The following SNX29 variants were observed in gnomAD, a reference collection of about 807,000 sequenced individuals.
SNX29 encodes the protein sorting nexin-29.
SNX29 carries 78 observed loss-of-function variants against 102.1 expected under a neutral mutation model. The ratio of observed to expected loss-of-function variants is 0.76; its 90% confidence interval spans 0.64 to 0.92. The LOEUF (loss-of-function observed/expected upper bound fraction) is 0.92. Among genes scored for constraint, SNX29 ranks in the 40% least tolerant of loss-of-function variants. The pLI is 0.00. For synonymous variants in SNX29, 580 were observed against 414.5 expected, an observed-to-expected ratio of 1.40 and a Z score of -4.85; for missense variants, 1,280 against 1,061.7, an observed-to-expected ratio of 1.21 and a Z score of -2.86.
chr16:12,553,451 T>C (rs2078117992), intron 20 of SNX29, among the ~76,000 whole-genome samples: 1 of 152,116 alleles, frequency 6.6e-6, no homozygotes, highest in South Asian at 2.1e-4. Flanking sequence ...GAGCATGGTG[T>C]AGACCAGCTC....
rs140110219 is a variant in SNX29, at chr16:12,398,092, A to G, written c.1900-354A>G. Reference sequence around the variant, plus strand: ...GTGTGTGATGTTCATCATGGTAACAATGGATATTTTTTCCATTGCACATCT... The same window carrying G: ...GTGTGTGATGTTCATCATGGTAACAGTGGATATTTTTTCCATTGCACATCT... On this transcript the variant is annotated intron_variant, in intron 16 of 20. Transcript: ENST00000566228. Among the ~76,000 whole-genome samples the G allele has an allele frequency of 5.2e-3, 794 of 152,258 alleles. 11 individuals are homozygous for G. Among genetic ancestry groups the G allele is most frequent in the African/African-American group, 0.018 (753 of 41,520 alleles).
rs1197086382 is a variant in SNX29, at chr16:12,346,312, T to TA, written c.1783-9849dup. ...CTTCTGCTGGTGCCTCTTTAATGGA[T>TA]AATCATGGTAATTAACATTTATGGA... On this transcript the variant is annotated intron_variant, in intron 15 of 20. Transcript: ENST00000566228. Among the ~76,000 whole-genome samples, 3 of 152,168 alleles carry TA rather than the reference T, an allele frequency of 2.0e-5. No homozygotes were observed. The East Asian group carries it at 5.8e-4, about 29-fold the overall frequency.
At chr16:12,188,576 G>T (rs138436189) in intron 13 of SNX29, among the ~76,000 whole-genome samples, 202 of 152,310 alleles carry the variant, frequency 1.3e-3, no homozygotes, top group African/African-American at 4.5e-3. Context: ...ACCTTCTTGA[G>T]TGACGAGTTG....
intron 11 of SNX29, among the ~76,000 whole-genome samples, chr16:12,118,429 C>G (rs2053831337): frequency 6.7e-6 from 1 of 148,254 alleles, no homozygotes; most frequent in Non-Finnish European, 1.5e-5. Context: ...CAAGTCATCC[C>G]CTGCCTCAGC....
intron 19 of SNX29, among the ~76,000 whole-genome samples, chr16:12,503,139 C>T (rs1057486348): frequency 6.6e-6 from 1 of 151,970 alleles, no homozygotes. Context: ...CAACTGCACA[C>T]CCCCCTGCCC....
At chr16:12,100,056 G>C (rs567753594) in intron 11 of SNX29, among the ~76,000 whole-genome samples, 1 of 152,212 alleles carries the variant, frequency 6.6e-6, no homozygotes, top group African/African-American at 2.4e-5. Flanking sequence ...CTCAGCGATG[G>C]AGGAACTTGT....
chr16:12,023,231 T>C (rs1046423929), intron 3 of SNX29, among the ~76,000 whole-genome samples: 1 of 151,868 alleles, frequency 6.6e-6, no homozygotes, highest in African/African-American at 2.4e-5. Flanking sequence ...AAATATTCAC[T>C]GTTGTTAAGT....
intron 18 of SNX29, among the ~76,000 whole-genome samples, chr16:12,462,605 C>A (rs537931292): frequency 2.8e-4 from 42 of 152,124 alleles, no homozygotes; most frequent in Middle Eastern, 3.4e-3. Context: ...CACACACACA[C>A]ACACACGTGA....
intron 18 of SNX29, among the ~76,000 whole-genome samples, chr16:12,417,638 T>G (rs2084695191): frequency 6.6e-6 from 1 of 152,034 alleles, no homozygotes; most frequent in African/African-American, 2.4e-5. Flanking sequence ...TGTCATTCCT[T>G]TTCCCTGTCA....
In SNX29 at chr16:12,556,858, A is replaced by AT. The variant is rs923109471; in HGVS notation, c.2319-11636dup. Among the ~76,000 whole-genome samples the AT allele has an allele frequency of 4.7e-3, 694 of 148,820 alleles. 3 individuals carry two copies. Among genetic ancestry groups the AT allele is most frequent in the Admixed American group, 5.2e-3 (78 of 14,890 alleles). ...GAAGTTTGATGGTGGAAAAAATTGA[A>AT]TTTTTTTTTTTTGAGATAGGGTCTC... On this transcript the variant is annotated intron_variant, in intron 20 of 20. Coordinates refer to ENST00000566228, the MANE Select transcript of SNX29 (RefSeq NM_032167.5).
Position 12,457,298 on chromosome 16 carries a change from G to A in SNX29, c.2038-20421G>A, listed in dbSNP as rs189725427. 6.9e-4 allele frequency among the ~76,000 whole-genome samples: 105 copies of A among 152,290 alleles called. 1 individual carries two copies. The highest frequency in any genetic ancestry group is 2.5e-3 in the African/African-American group (102 of 41,556). ...TAAAACTGATGCTCAGAAAGGTAAG[G>A]TAGGTTGGCCAGGGTTGTCCAGCTG... On this transcript the variant is annotated intron_variant, in intron 18 of 20. Coordinates refer to ENST00000566228, the MANE Select transcript of SNX29 (RefSeq NM_032167.5).
chr16:12,402,031 G>A (rs1238396401), intron 17 of SNX29, among the ~76,000 whole-genome samples: 3 of 152,200 alleles, frequency 2.0e-5, no homozygotes, highest in African/African-American at 7.2e-5. Context: ...CTTGTAGCCT[G>A]ACACAGAAAT....
chr16:12,195,883 G>T (rs550931633), intron 13 of SNX29, among the ~76,000 whole-genome samples: 3 of 152,102 alleles, frequency 2.0e-5, no homozygotes, highest in Non-Finnish European at 4.4e-5. Context: ...GAGAGGAGAG[G>T]GACATAGGCA....
intron 15 of SNX29, among the ~76,000 whole-genome samples, chr16:12,342,974 T>C (rs1001515913): frequency 9.2e-5 from 14 of 152,250 alleles, no homozygotes; most frequent in Non-Finnish European, 1.6e-4. Context: ...ACGGGAGTGC[T>C]GTTGGGTGTG....
chr16:12,288,808 C>T (rs1409020117), intron 15 of SNX29, among the ~76,000 whole-genome samples: 1 of 152,022 alleles, frequency 6.6e-6, no homozygotes, highest in Non-Finnish European at 1.5e-5. Flanking sequence ...TGCATACCTA[C>T]AGATGATGAA....
chr16:12,397,808 C>T lies in SNX29; in HGVS notation c.1900-638C>T, dbSNP rs529670308. 7.9e-5 allele frequency among the ~76,000 whole-genome samples: 12 copies of T among 152,282 alleles called. No individual in the cohort carries two copies. In the East Asian group the frequency reaches 2.1e-3, roughly 27 times the overall value. On this transcript the variant is annotated intron_variant, in intron 16 of 20. Transcript: ENST00000566228. ...AGGATAGGTAGCTTACTGGGGGTCACGTGCACCTTTGAATGCTTGCTTGCC... is the reference window on the plus strand; with the variant it reads ...AGGATAGGTAGCTTACTGGGGGTCATGTGCACCTTTGAATGCTTGCTTGCC...
At chr16:12,373,207 G>A (rs1345156124) in intron 16 of SNX29, among the ~76,000 whole-genome samples, 3 of 152,234 alleles carry the variant, frequency 2.0e-5, no homozygotes, top group East Asian at 1.9e-4. Context: ...GTCATAGCTC[G>A]CTGCAGCCTC....
chr16:12,010,065 A>G (rs571788420), intron 3 of SNX29, among the ~76,000 whole-genome samples: 4 of 152,324 alleles, frequency 2.6e-5, no homozygotes. Context: ...TCTTTCTTGC[A>G]CCTCAATATC....
intron 18 of SNX29, among the ~76,000 whole-genome samples, chr16:12,428,070 A>G (rs543900171): frequency 6.5e-4 from 99 of 152,352 alleles, no homozygotes; most frequent in Middle Eastern, 3.4e-3. Context: ...CTTAGATTCA[A>G]TACACACTGT....
Sources: allele counts gnomAD v4.1 joint callset (sites outside exome capture counted in the v4.1 genomes callset), GRCh38; gene constraint gnomAD v4.1.1; transcripts MANE v1.5; gene names NCBI Gene and HGNC (gene_info 2026-07-23, HGNC 2026-07-21).